Variants in SLA observed in about 807,000 individuals in gnomAD.
SLA encodes src-like-adapter.
SLA carries 16 observed loss-of-function variants against 30.3 expected under a neutral mutation model. The observed-to-expected ratio is 0.53, with a 90% CI of 0.36 to 0.80. The LOEUF (loss-of-function observed/expected upper bound fraction) is 0.80. Ranked by LOEUF, SLA falls within the 30% of genes least tolerant of loss-of-function variation. The pLI, the probability that SLA is intolerant of heterozygous loss-of-function variation, is 0.01. For synonymous variants in SLA, 143 were observed against 137.8 expected (o/e 1.04, Z -0.26); for missense variants, 310 against 345.2 (o/e 0.90, Z 0.81).
At chr8:133,078,826 A>T (rs986586643) in intron 1 of SLA, among the ~76,000 whole-genome samples, 2 of 152,188 alleles carry the variant, frequency 1.3e-5, no homozygotes, top group African/African-American at 4.8e-5. Context: ...ACAGACGGGG[A>T]GAGAATTCTC....
rs910405665 is a variant in SLA, at chr8:133,037,401, G to A, written c.*1123C>T. Reference sequence around the variant, plus strand: ...CTTCTTAGAATAAAGTACCGGGTGAGTTAATTCTTTAGACTGTATCCATTT... The same window carrying A: ...CTTCTTAGAATAAAGTACCGGGTGAATTAATTCTTTAGACTGTATCCATTT... On this transcript the variant is annotated 3_prime_UTR_variant, in exon 9 of 9. Coordinates refer to ENST00000338087, the MANE Select transcript of SLA (RefSeq NM_001045556.3). The A allele has an allele frequency of 6.6e-6, 1 of 152,146 alleles. No homozygotes were observed. Among genetic ancestry groups the A allele is most frequent in the African/African-American group, 2.4e-5 (1 of 41,436 alleles). 9.4% of individuals were successfully genotyped at this position (152,146 alleles called of 1,614,324 possible). A position where few individuals can be genotyped will look rare whatever the true frequency, so the allele number is the denominator to read the frequency against.
rs528989862 is a variant in SLA, at chr8:133,086,437, T to C, written c.-318-11307A>G. Among the ~76,000 whole-genome samples the C allele has an allele frequency of 2.9e-4, 44 of 152,354 alleles. 1 individual carries two copies. The South Asian group carries it at 8.9e-3, about 31-fold the overall frequency. ...TGAAATACTGGATAAATGTTTATCA[T>C]ACAACAAAAATATTCTTCTTTAATA... On this transcript the variant is annotated intron_variant, in intron 1 of 8. Transcript: ENST00000338087.
At chr8:133,062,933 G>A (rs1842590222) in intron 2 of SLA, among the ~76,000 whole-genome samples, 1 of 152,186 alleles carries the variant, frequency 6.6e-6, no homozygotes, top group Non-Finnish European at 1.5e-5. Context: ...CATGTGACAT[G>A]CACAGGCTGT....
intron 1 of SLA, among the ~76,000 whole-genome samples, chr8:133,086,373 A>G (rs192027705): frequency 3.3e-5 from 5 of 152,354 alleles, no homozygotes; most frequent in East Asian, 1.9e-4. Context: ...CAATAATACA[A>G]TTTCCTAAAG....
chr8:133,056,585 AGCTGTATGGCCTAAG>A (rs1841480043), intron 3 of SLA, among the ~76,000 whole-genome samples: 1 of 152,156 alleles, frequency 6.6e-6, no homozygotes, highest in Non-Finnish European at 1.5e-5. Flanking sequence ...GTCTCCTCTG[AGCTGTATGGCCTAAG>A]GCAAGTCATT....
chr8:133,088,963 T>G (rs140638287), intron 1 of SLA, among the ~76,000 whole-genome samples: 18 of 152,372 alleles, frequency 1.2e-4, no homozygotes, highest in African/African-American at 4.3e-4. Flanking sequence ...CCATCTGTGC[T>G]TTAGCTTCCA....
At chr8:133,061,610 G>T (rs535963620) in intron 2 of SLA, among the ~76,000 whole-genome samples, 1 of 152,318 alleles carries the variant, frequency 6.6e-6, no homozygotes, top group East Asian at 1.9e-4. Flanking sequence ...ATAGAGCTCT[G>T]CCTGCTTTGT....
chr8:133,092,707 A>G lies in SLA; in HGVS notation c.-319+9846T>C, dbSNP rs77433230. ...GGTTCAAACCGAGCCCTTCTGCCCC[A>G]ATCCCATGCTCTCTACACACCTCTG... On this transcript the variant is annotated intron_variant, in intron 1 of 8. Transcript: ENST00000338087. 1.8e-3 allele frequency among the ~76,000 whole-genome samples: 276 copies of G among 151,980 alleles called. 1 individual carries two copies. The highest frequency in any genetic ancestry group is 6.1e-3 in the African/African-American group (251 of 41,432).
At chr8:133,079,408 G>A (rs1342462974) in intron 1 of SLA, among the ~76,000 whole-genome samples, 1 of 152,228 alleles carries the variant, frequency 6.6e-6, no homozygotes, top group Non-Finnish European at 1.5e-5. Context: ...AAAGTGAAAT[G>A]TTCCCCTATG....
chr8:133,050,075 A>G, intron 4 of SLA, 87 bp from the exon 5 acceptor site: 2 of 906,142 alleles, frequency 2.2e-6, no homozygotes, highest in Non-Finnish European at 1.9e-6. Context: ...GATTTAACCC[A>G]GGACAGTTTG....
intron 3 of SLA, among the ~76,000 whole-genome samples, chr8:133,054,800 A>G (rs1841059923): frequency 6.6e-6 from 1 of 152,236 alleles, no homozygotes; most frequent in Non-Finnish European, 1.5e-5. Flanking sequence ...AAACGAATCC[A>G]CAAAGGGGAG....
chr8:133,086,192 G>T (rs917174244), intron 1 of SLA, among the ~76,000 whole-genome samples: 1 of 152,200 alleles, frequency 6.6e-6, no homozygotes. Context: ...ATGGCCTGCG[G>T]CTGGGAGTGA....
rs571515313 is a variant in SLA, at chr8:133,094,759, A to T, written c.-319+7794T>A. ...AGAACCATCAGCCCTTTGCCTCTATATACAAATTCATCTGCACAGCCAAGA... is the reference window on the plus strand; with the variant it reads ...AGAACCATCAGCCCTTTGCCTCTATTTACAAATTCATCTGCACAGCCAAGA... On this transcript the variant is annotated intron_variant, in intron 1 of 8. Transcript: ENST00000338087. The T allele has an allele frequency of 6.9e-4, 338 of 493,216 alleles. 2 individuals carry two copies. The highest frequency in any genetic ancestry group is 1.9e-4 in the Non-Finnish European group (52 of 269,460). The allele number at this position is 493,216 out of a possible 1,614,324, so 30.6% of individuals were successfully genotyped here.
intron 2 of SLA, among the ~76,000 whole-genome samples, chr8:133,067,923 G>GA (rs1587972810): frequency 2.2e-5 from 3 of 137,136 alleles, no homozygotes; most frequent in South Asian, 2.3e-4. Context: ...AGGAAAGAGA[G>GA]AGAGAGAGAA....
Position 133,039,974 on chromosome 8 carries a change from C to T in SLA, c.617+24G>A, listed in dbSNP as rs1310293310. 10 of 1,524,478 alleles carry T rather than the reference C, an allele frequency of 6.6e-6. No homozygotes were observed. In the African/African-American group the frequency reaches 9.7e-5, roughly 15 times the overall value. 94.4% of individuals were successfully genotyped at this position (1,524,478 alleles called of 1,614,324 possible). A position where few individuals can be genotyped will look rare whatever the true frequency, so the allele number is the denominator to read the frequency against. ...GCATGCACACACACACACACACACA[C>T]ACACATACACACACCATACTCACCT... On this transcript the variant is annotated intron_variant, in intron 8 of 8. Coordinates refer to ENST00000338087, the MANE Select transcript of SLA (RefSeq NM_001045556.3).
At position 133,038,338 on chromosome 8, in the gene SLA, A is replaced by G; in HGVS notation, c.*186T>C. 1 of 608,476 alleles carries G rather than the reference A, an allele frequency of 1.6e-6. No homozygotes were observed. The highest frequency in any genetic ancestry group is 2.9e-6 in the Non-Finnish European group (1 of 342,730). The allele number at this position is 608,476 out of a possible 1,614,324, so 37.7% of individuals were successfully genotyped here. On this transcript the variant is annotated 3_prime_UTR_variant, in exon 9 of 9. Transcript: ENST00000338087. ...GATGCCACAGCCCTGATCAGACACCAGGGAGGGGTTCCTTTGGTCATGATG... is the reference window on the plus strand; with the variant it reads ...GATGCCACAGCCCTGATCAGACACCGGGGAGGGGTTCCTTTGGTCATGATG...
intron 7 of SLA, among the ~76,000 whole-genome samples, chr8:133,040,908 A>G (rs968408432): frequency 2.0e-5 from 3 of 151,994 alleles, no homozygotes; most frequent in African/African-American, 7.3e-5. Flanking sequence ...AGTTAAATAA[A>G]CCCGTTTCTT....
rs1491099593 is a variant in SLA, at chr8:133,039,978, CAT to C, written c.617+18_617+19del. 4.0e-4 allele frequency: 336 copies of C among 846,776 alleles called. 1 individual carries two copies. The highest frequency in any genetic ancestry group is 2.1e-3 in the African/African-American group (87 of 41,890). 52.5% of individuals were successfully genotyped at this position (846,776 alleles called of 1,614,324 possible). On this transcript the variant is annotated intron_variant, in intron 8 of 8. Transcript: ENST00000338087. ...GCACACACACACACACACACACACA[CAT>C]ACACACACCATACTCACCTGGACAC...
intron 4 of SLA, chr8:133,050,225 A>C: frequency 1.9e-6 from 1 of 536,008 alleles, no homozygotes; most frequent in Non-Finnish European, 3.4e-6. Flanking sequence ...TGTGCTAGAA[A>C]TAGCTGCTTT....
Sources: gnomAD v4.1 joint callset for allele counts (sites outside exome capture counted in the v4.1 genomes callset) on GRCh38, gnomAD v4.1.1 for gene constraint, MANE v1.5 for transcripts, NCBI Gene and HGNC (gene_info 2026-07-23, HGNC 2026-07-21) for gene names.